Variants in ABTB3 observed in about 807,000 individuals in gnomAD.
The protein encoded by ABTB3 is ankyrin repeat- and BTB/POZ domain-containing protein 3.
the ABTB3 span, among the ~76,000 whole-genome samples, chr12:107,654,721 A>T: frequency 3.3e-5 from 5 of 151,992 alleles, no homozygotes; most frequent in Admixed American, 3.3e-4. Context: ...TGTCTGGCTT[A>T]ATAAATGTTG....
the ABTB3 span, among the ~76,000 whole-genome samples, chr12:107,488,660 A>ATC: frequency 2.7e-5 from 4 of 148,746 alleles, no homozygotes; most frequent in African/African-American, 1.0e-4. Flanking sequence ...TTGCAATTAT[A>ATC]TGTATATATA....
the ABTB3 span, among the ~76,000 whole-genome samples, chr12:107,648,265 C>T: frequency 6.6e-6 from 1 of 151,918 alleles, no homozygotes; most frequent in Non-Finnish European, 1.5e-5. Context: ...CCTGTAGTCC[C>T]AGCTACTTGG....
At chr12:107,647,606 C>T in the ABTB3 span, among the ~76,000 whole-genome samples, 5 of 152,222 alleles carry the variant, frequency 3.3e-5, no homozygotes, top group Non-Finnish European at 7.3e-5. Flanking sequence ...GTCGCAAAGA[C>T]TTTCAGATGG....
chr12:107,419,039 C>T, the ABTB3 span, among the ~76,000 whole-genome samples: 2 of 152,172 alleles, frequency 1.3e-5, no homozygotes, highest in African/African-American at 4.8e-5. Flanking sequence ...AAGAAACAAA[C>T]ACTTTGAGAA....
At chr12:107,351,591 C>T in the ABTB3 span, among the ~76,000 whole-genome samples, 69 of 152,258 alleles carry the variant, frequency 4.5e-4, no homozygotes, top group Middle Eastern at 3.4e-3. Context: ...AATGGATTAA[C>T]GCTGTTATCT....
chr12:107,478,184 C>A, the ABTB3 span, among the ~76,000 whole-genome samples: 1 of 152,290 alleles, frequency 6.6e-6, no homozygotes, highest in East Asian at 1.9e-4. Flanking sequence ...TTGTGTCAGT[C>A]CATTTAGCAC....
chr12:107,586,606 C>T, the ABTB3 span, among the ~76,000 whole-genome samples: 3 of 152,296 alleles, frequency 2.0e-5, no homozygotes, highest in South Asian at 2.1e-4. Flanking sequence ...AATGCATTAG[C>T]GCCTCCCAGA....
At chr12:107,494,518 G>A in the ABTB3 span, among the ~76,000 whole-genome samples, 64 of 152,160 alleles carry the variant, frequency 4.2e-4, no homozygotes, top group Non-Finnish European at 7.9e-4. Context: ...AGCCTAGACC[G>A]GGTATGGCCA....
the ABTB3 span, among the ~76,000 whole-genome samples, chr12:107,448,434 T>C: frequency 6.6e-6 from 1 of 152,158 alleles, no homozygotes; most frequent in Admixed American, 6.5e-5. Context: ...GCTCTGACAC[T>C]GACTCCAGCC....
chr12:107,591,053 T>C, the ABTB3 span, among the ~76,000 whole-genome samples: 1 of 152,328 alleles, frequency 6.6e-6, no homozygotes, highest in South Asian at 2.1e-4. Flanking sequence ...AGGACAAAAG[T>C]ATTTTTGGTA....
the ABTB3 span, among the ~76,000 whole-genome samples, chr12:107,414,086 A>C: frequency 4.5e-4 from 68 of 152,326 alleles, no homozygotes; most frequent in African/African-American, 1.5e-3. Flanking sequence ...GAGGACAGGC[A>C]ATGTGAAATT....
At chr12:107,543,382 G>T in the ABTB3 span, among the ~76,000 whole-genome samples, 1 of 151,092 alleles carries the variant, frequency 6.6e-6, no homozygotes, top group Non-Finnish European at 1.5e-5. Context: ...GAAAAGTACA[G>T]TGTGATAACC....
chr12:107,341,912 C>T, the ABTB3 span, among the ~76,000 whole-genome samples: 69 of 152,254 alleles, frequency 4.5e-4, no homozygotes, highest in African/African-American at 1.6e-3. Flanking sequence ...GCCTGCTCCC[C>T]ACTCACCTTC....
the ABTB3 span, among the ~76,000 whole-genome samples, chr12:107,631,147 T>A: frequency 6.6e-6 from 1 of 152,198 alleles, no homozygotes; most frequent in African/African-American, 2.4e-5. Context: ...TTCCCAACTT[T>A]ATTTCCATGT....
At chr12:107,432,447 G>A in the ABTB3 span, among the ~76,000 whole-genome samples, 1 of 152,198 alleles carries the variant, frequency 6.6e-6, no homozygotes. Context: ...CCTTAGGGAT[G>A]CCCTGGCTTT....
the ABTB3 span, among the ~76,000 whole-genome samples, chr12:107,494,095 AT>A: frequency 2.2e-4 from 33 of 152,196 alleles, no homozygotes; most frequent in Non-Finnish European, 4.1e-4. Context: ...AAAAATAGGA[AT>A]TGAGCTCAGA....
chr12:107,517,105 C>A, the ABTB3 span, among the ~76,000 whole-genome samples: 1 of 152,190 alleles, frequency 6.6e-6, no homozygotes, highest in Non-Finnish European at 1.5e-5. Context: ...GTTTTCCCAG[C>A]ACCATTTGTT....
chr12:107,454,403 T>A, the ABTB3 span, among the ~76,000 whole-genome samples: 2 of 152,234 alleles, frequency 1.3e-5, no homozygotes, highest in African/African-American at 2.4e-5. Context: ...TGAAGCTGGT[T>A]TTGCTCCTAA....
chr12:107,537,791 C>T, the ABTB3 span, among the ~76,000 whole-genome samples: 2 of 152,310 alleles, frequency 1.3e-5, no homozygotes, highest in East Asian at 3.9e-4. Flanking sequence ...TGCAGATTCA[C>T]AGGAATTCCA....
Sources: gnomAD v4.1 joint callset for allele counts (sites outside exome capture counted in the v4.1 genomes callset) on GRCh38, gnomAD v4.1.1 for gene constraint, MANE v1.5 for transcripts, NCBI Gene and HGNC (gene_info 2026-07-23, HGNC 2026-07-21) for gene names.